CDH18: variants seen among roughly 807,000 people sequenced by gnomAD.
CDH18 encodes cadherin-18.
Under a neutral mutation model 67.9 loss-of-function variants are expected in CDH18, and 31 were observed. The observed-to-expected ratio is 0.46, with a 90% CI of 0.34 to 0.62. The LOEUF (loss-of-function observed/expected upper bound fraction) is 0.62, where lower values mean the gene tolerates loss of function less well. Ranked by LOEUF, CDH18 falls within the 20% of genes least tolerant of loss-of-function variation. The pLI, the probability that CDH18 is intolerant of heterozygous loss-of-function variation, is 0.01. For missense variants in CDH18, 890 were observed against 975.5 expected (o/e 0.91, Z 1.17); for synonymous variants, 362 against 347.2 (o/e 1.04, Z -0.48).
At position 20,371,778 on chromosome 5, in the gene CDH18, C is replaced by A. The variant is rs1233396688; in HGVS notation, c.-579-116273G>T. Among the ~76,000 whole-genome samples the A allele has an allele frequency of 2.0e-5, 3 of 152,122 alleles. No homozygotes were observed. The East Asian group carries it at 5.8e-4, about 29-fold the overall frequency. On this transcript the variant is annotated intron_variant, in intron 1 of 14. Transcript: ENST00000507958. The stretch of plus-strand genomic sequence containing the variant: ...TGAGAACAAGACGGGTGATGGGATT[C>A]AGAAGACTGACTCCACACAGGGCTT...
chr5:19,617,900 A>G (rs1385084437), intron 5 of CDH18, among the ~76,000 whole-genome samples: 3 of 152,188 alleles, frequency 2.0e-5, no homozygotes. Flanking sequence ...AGCTTGAGTC[A>G]CTAGCCTACC....
chr5:20,012,104 C>T (rs191171127), intron 2 of CDH18, among the ~76,000 whole-genome samples: 34 of 151,914 alleles, frequency 2.2e-4, no homozygotes, highest in South Asian at 1.0e-3. Flanking sequence ...ATAACTGCCT[C>T]AATTTCAGAA....
At chr5:20,345,938 T>C (rs1740663889) in intron 1 of CDH18, among the ~76,000 whole-genome samples, 1 of 152,192 alleles carries the variant, frequency 6.6e-6, no homozygotes, top group South Asian at 2.1e-4. Flanking sequence ...TAGTAAAGAA[T>C]TTCACTTTAC....
intron 8 of CDH18, among the ~76,000 whole-genome samples, chr5:19,556,645 A>C (rs1299790225): frequency 2.0e-5 from 3 of 152,288 alleles, no homozygotes; most frequent in Admixed American, 6.5e-5. Flanking sequence ...GAACAAACAT[A>C]AAAACAATTG....
chr5:19,803,589 C>T (rs931973446), intron 3 of CDH18, among the ~76,000 whole-genome samples: 6 of 152,114 alleles, frequency 3.9e-5, no homozygotes, highest in African/African-American at 1.4e-4. Flanking sequence ...CAGCCTTTTC[C>T]CAGCGAGTAA....
At chr5:20,090,912 G>A (rs1326638434) in intron 2 of CDH18, among the ~76,000 whole-genome samples, 1 of 151,564 alleles carries the variant, frequency 6.6e-6, no homozygotes, top group Non-Finnish European at 1.5e-5. Context: ...AGCCAGGTGT[G>A]GTGATGCATT....
intron 2 of CDH18, among the ~76,000 whole-genome samples, chr5:20,004,099 C>G (rs1736686589): frequency 6.6e-6 from 1 of 152,088 alleles, no homozygotes; most frequent in African/African-American, 2.4e-5. Flanking sequence ...GCTCGCAATC[C>G]AAACTTCTAG....
chr5:20,296,196 T>G (rs185267408), intron 1 of CDH18, among the ~76,000 whole-genome samples: 1 of 149,772 alleles, frequency 6.7e-6, no homozygotes, highest in African/African-American at 2.5e-5. Flanking sequence ...TAATGGATTA[T>G]TATAATGCCA....
intron 9 of CDH18, among the ~76,000 whole-genome samples, chr5:19,538,176 A>G (rs933794063): frequency 1.3e-5 from 2 of 152,172 alleles, no homozygotes; most frequent in African/African-American, 2.4e-5. Flanking sequence ...TTATCCAGTA[A>G]GAATCTCATA....
intron 1 of CDH18, among the ~76,000 whole-genome samples, chr5:20,537,577 C>T (rs1213859663): frequency 6.6e-6 from 1 of 151,994 alleles, no homozygotes; most frequent in East Asian, 1.9e-4. Context: ...ATAGAAGACT[C>T]ACAGCTGCAA....
chr5:20,501,559 A>G lies in CDH18; in HGVS notation c.-580+73903T>C, dbSNP rs1399111983. On this transcript the variant is annotated intron_variant, in intron 1 of 14. Transcript: ENST00000507958. ...ATTATATACATATTATATATATAAT[A>G]TATATATATAATATATATATATTAT... Among the ~76,000 whole-genome samples, 7 of 24,984 alleles carry G rather than the reference A, an allele frequency of 2.8e-4. No homozygotes were observed. In the South Asian group the frequency reaches 6.7e-3, roughly 24 times the overall value. The allele number at this position is 24,984 out of a possible 152,430, so 16.4% of individuals were successfully genotyped here.
At chr5:19,633,789 C>T (rs1310265902) in intron 5 of CDH18, among the ~76,000 whole-genome samples, 2 of 151,978 alleles carry the variant, frequency 1.3e-5, no homozygotes, top group African/African-American at 4.8e-5. Context: ...ACTACCATAC[C>T]CACCTAATTT....
chr5:20,301,183 TTTTG>T (rs890314618), intron 1 of CDH18, among the ~76,000 whole-genome samples: 25 of 142,760 alleles, frequency 1.8e-4, no homozygotes, highest in East Asian at 9.5e-4. Context: ...TTTTTTGTTT[TTTTG>T]TTTGTTTGTT....
chr5:20,184,175 A>C (rs1484267124), intron 2 of CDH18, among the ~76,000 whole-genome samples: 1 of 152,112 alleles, frequency 6.6e-6, no homozygotes, highest in Non-Finnish European at 1.5e-5. Flanking sequence ...TATGAACAAA[A>C]TTTCCCTAAT....
chr5:20,395,694 A>G (rs975112454), intron 1 of CDH18, among the ~76,000 whole-genome samples: 3 of 152,192 alleles, frequency 2.0e-5, no homozygotes, highest in Non-Finnish European at 2.9e-5. Flanking sequence ...TGTCTTTTGT[A>G]TGTTAATGAG....
At chr5:20,443,490 C>A (rs543597495) in intron 1 of CDH18, among the ~76,000 whole-genome samples, 1 of 151,806 alleles carries the variant, frequency 6.6e-6, no homozygotes, top group East Asian at 1.9e-4. Context: ...ACCATCCCAG[C>A]ATTTTAATTT....
intron 1 of CDH18, among the ~76,000 whole-genome samples, chr5:20,440,391 G>A (rs116314343): frequency 0.015 from 2,282 of 151,998 alleles, 39 homozygotes; most frequent in Middle Eastern, 0.065. Context: ...ATCAACACAT[G>A]TGAGGTTATG....
At chr5:20,344,926 T>A (rs905928068) in intron 1 of CDH18, among the ~76,000 whole-genome samples, 11 of 152,204 alleles carry the variant, frequency 7.2e-5, no homozygotes, top group Admixed American at 5.9e-4. Context: ...GTCATTGCAT[T>A]TGTTCTAACT....
intron 3 of CDH18, among the ~76,000 whole-genome samples, chr5:19,767,664 C>G (rs1327367302): frequency 6.6e-6 from 1 of 151,864 alleles, no homozygotes; most frequent in African/African-American, 2.4e-5. Context: ...AAAATAAAAA[C>G]AATATTGTAG....
Sources: gnomAD v4.1 joint callset for allele counts (sites outside exome capture counted in the v4.1 genomes callset) on GRCh38, gnomAD v4.1.1 for gene constraint, MANE v1.5 for transcripts, NCBI Gene and HGNC (gene_info 2026-07-23, HGNC 2026-07-21) for gene names.